Variants in DNAJC5B observed in about 807,000 individuals in gnomAD.
DNAJC5B encodes the protein dnaJ homolog subfamily C member 5B.
A neutral mutation model predicts 24.7 loss-of-function variants in DNAJC5B; 23 were observed. The observed-to-expected ratio is 0.93, with a 90% CI of 0.67 to 1.32. The LOEUF (loss-of-function observed/expected upper bound fraction) is 1.32. Ranked by LOEUF, DNAJC5B falls within the 40% of genes most tolerant of loss-of-function variation. DNAJC5B has a pLI of 0.00. For synonymous variants in DNAJC5B, 101 were observed against 90.1 expected, an observed-to-expected ratio of 1.12 and a Z score of -0.68; for missense variants, 238 against 240.8, an observed-to-expected ratio of 0.99 and a Z score of 0.08.
At chr8:66,062,786 C>A (rs1443664429) in intron 3 of DNAJC5B, among the ~76,000 whole-genome samples, 1 of 152,146 alleles carries the variant, frequency 6.6e-6, no homozygotes, top group Non-Finnish European at 1.5e-5. Context: ...ATAATCATGC[C>A]ACTGCACACC....
intron 3 of DNAJC5B, among the ~76,000 whole-genome samples, chr8:66,060,567 G>A (rs1807059550): frequency 6.6e-6 from 1 of 152,196 alleles, no homozygotes; most frequent in Admixed American, 6.5e-5. Context: ...GTGTTGAACT[G>A]GGTAAATAAA....
chr8:66,019,060 T>C (rs1045445621), upstream of DNAJC5B, among the ~76,000 whole-genome samples: 4 of 152,190 alleles, frequency 2.6e-5, no homozygotes, highest in African/African-American at 4.8e-5. Flanking sequence ...AACACAGGGA[T>C]GTATGCTCAA....
upstream of DNAJC5B, among the ~76,000 whole-genome samples, chr8:66,018,589 G>A (rs1247552461): frequency 6.6e-6 from 1 of 152,118 alleles, no homozygotes; most frequent in Non-Finnish European, 1.5e-5. Flanking sequence ...TTGCTCTAAA[G>A]TTTGGGAACT....
intron 3 of DNAJC5B, among the ~76,000 whole-genome samples, chr8:66,070,667 C>A (rs1381952196): frequency 2.0e-5 from 3 of 152,160 alleles, no homozygotes; most frequent in Admixed American, 6.5e-5. Flanking sequence ...ATCAAGCTAC[C>A]ACTGACTTTC....
chr8:66,068,733 A>G (rs1041382416), intron 3 of DNAJC5B, among the ~76,000 whole-genome samples: 1 of 152,264 alleles, frequency 6.6e-6, no homozygotes, highest in Non-Finnish European at 1.5e-5. Context: ...AACCACATAT[A>G]CTCAATAAAA....
chr8:66,097,044 C>G (rs1319888295), intron 5 of DNAJC5B, among the ~76,000 whole-genome samples: 1 of 151,954 alleles, frequency 6.6e-6, no homozygotes, highest in African/African-American at 2.4e-5. Context: ...TAATAACAAC[C>G]CTACCTCATA....
rs143168011 is a variant in DNAJC5B, at chr8:66,080,470, G to T, written c.427G>T (p.Glu143Ter). The T allele has an allele frequency of 4.1e-4, 662 of 1,613,974 alleles. No homozygotes were observed. Among genetic ancestry groups the T allele is most frequent in the Admixed American group, 1.7e-3 (100 of 60,006 alleles). The change falls in exon 5 of 6, where the codon GAG becomes TAG. Residue 143 changes from glutamate to a stop codon, truncating the protein, a stop_gained. Coordinates refer to ENST00000276570, the MANE Select transcript of DNAJC5B (RefSeq NM_033105.6). LOFTEE classifies it high-confidence loss of function. Reference protein sequence around the residue: ...CNCCCGHCRPESSVPEEDFYV... With the variant: ...CNCCCGHCRP ...CTGCTGCTGTGGACACTGCCGGCCC[G>T]AGTCATCAGTGCCAGAAGAGGACTT...
At chr8:66,080,061 C>T (rs57589492) in intron 4 of DNAJC5B, among the ~76,000 whole-genome samples, 1,987 of 152,108 alleles carry the variant, frequency 0.013, 64 homozygotes, top group African/African-American at 0.045. Flanking sequence ...TGGTTTTTGT[C>T]TTGCTTTGCT....
chr8:66,074,526 C>A (rs1390593347), intron 3 of DNAJC5B, among the ~76,000 whole-genome samples: 2 of 152,136 alleles, frequency 1.3e-5, no homozygotes, highest in Non-Finnish European at 1.5e-5. Context: ...TTAGCTATAG[C>A]CACATTGACA....
At chr8:66,020,723 G>A (rs186337190), upstream of DNAJC5B, among the ~76,000 whole-genome samples, 221 of 150,970 alleles carry the variant, frequency 1.5e-3, no homozygotes, top group African/African-American at 5.1e-3. Flanking sequence ...TTGCAGCTTC[G>A]ATATCTTGGG....
intron 3 of DNAJC5B, among the ~76,000 whole-genome samples, chr8:66,073,075 C>T (rs1035178903): frequency 3.3e-5 from 5 of 151,544 alleles, no homozygotes; most frequent in East Asian, 1.9e-4. Context: ...TATAAGGATT[C>T]GAAGGGAAAA....
chr8:66,070,255 G>A (rs1383397960), intron 3 of DNAJC5B, among the ~76,000 whole-genome samples: 1 of 152,186 alleles, frequency 6.6e-6, no homozygotes, highest in East Asian at 1.9e-4. Flanking sequence ...AATAGGAAGA[G>A]AGGAAGTCAA....
chr8:66,097,058 T>C (rs1262013201), intron 5 of DNAJC5B, among the ~76,000 whole-genome samples: 1 of 152,088 alleles, frequency 6.6e-6, no homozygotes, highest in Non-Finnish European at 1.5e-5. Flanking sequence ...CCTCATAGCA[T>C]TATTATAACT....
chr8:66,098,564 A>G (rs1808004476), intron 5 of DNAJC5B, among the ~76,000 whole-genome samples: 1 of 151,562 alleles, frequency 6.6e-6, no homozygotes, highest in African/African-American at 2.4e-5. Flanking sequence ...GAATAGGCTC[A>G]GCCATCAAAT....
At chr8:66,037,694 G>A (rs1453335899) in intron 1 of DNAJC5B, among the ~76,000 whole-genome samples, 1 of 152,248 alleles carries the variant, frequency 6.6e-6, no homozygotes, top group Non-Finnish European at 1.5e-5. Context: ...CTTAGCAACA[G>A]CATATTGTAA....
intron 3 of DNAJC5B, among the ~76,000 whole-genome samples, chr8:66,073,633 A>G (rs1807398300): frequency 6.6e-6 from 1 of 152,188 alleles, no homozygotes; most frequent in Admixed American, 6.5e-5. Context: ...AGATATGAAG[A>G]CGTATTTTAA....
intron 1 of DNAJC5B, among the ~76,000 whole-genome samples, chr8:66,025,927 A>G (rs1806231556): frequency 2.0e-5 from 2 of 99,860 alleles, no homozygotes; most frequent in Non-Finnish European, 3.5e-5. Flanking sequence ...TTTTGGTTCC[A>G]TATGAACTTT....
chr8:66,049,112 T>G lies in DNAJC5B; in HGVS notation c.-17-2419T>G, dbSNP rs186458737. Among the ~76,000 whole-genome samples, 75 of 152,334 alleles carry G rather than the reference T, an allele frequency of 4.9e-4. No homozygotes were observed. In the Middle Eastern group the frequency reaches 0.014, roughly 28 times the overall value. On this transcript the variant is annotated intron_variant, in intron 2 of 5. Coordinates refer to ENST00000276570, the MANE Select transcript of DNAJC5B (RefSeq NM_033105.6). ...ACTTTAGGCTTCTGAATAAATACTG[T>G]CATCTGAATAACAACATTTTGGTCA...
At chr8:66,085,058 A>G (rs1157299372) in intron 5 of DNAJC5B, among the ~76,000 whole-genome samples, 1 of 151,896 alleles carries the variant, frequency 6.6e-6, no homozygotes, top group Admixed American at 6.6e-5. Flanking sequence ...TTCTAAGACC[A>G]TTTGTTGAAA....
Sources: allele counts gnomAD v4.1 joint callset (sites outside exome capture counted in the v4.1 genomes callset), GRCh38; gene constraint gnomAD v4.1.1; transcripts MANE v1.5; gene names NCBI Gene and HGNC (gene_info 2026-07-23, HGNC 2026-07-21).